Variants in GABRG3 observed in about 807,000 individuals in gnomAD.
GABRG3 encodes gamma-aminobutyric acid receptor subunit gamma-3.
GABRG3 carries 25 observed loss-of-function variants against 48.8 expected under a neutral mutation model. That is an observed-to-expected ratio of 0.51 (90% CI 0.37 to 0.72). The LOEUF (loss-of-function observed/expected upper bound fraction) is 0.72, where lower values mean the gene tolerates loss of function less well. GABRG3 is among the 30% of genes least tolerant of loss of function. The pLI, the probability that GABRG3 is intolerant of heterozygous loss-of-function variation, is 0.00. For missense variants in GABRG3, 394 were observed against 577.9 expected (o/e 0.68, Z 3.26); for synonymous variants, 227 against 217.6 (o/e 1.04, Z -0.38).
intron 6 of GABRG3, among the ~76,000 whole-genome samples, chr15:27,487,386 A>G (rs1159480287): frequency 1.3e-5 from 2 of 152,174 alleles, no homozygotes; most frequent in South Asian, 2.1e-4. Flanking sequence ...CTCTCGCTCT[A>G]TACTTTGAGC....
intron 3 of GABRG3, among the ~76,000 whole-genome samples, chr15:27,298,137 T>G (rs1261406085): frequency 6.6e-6 from 1 of 152,090 alleles, no homozygotes; most frequent in Non-Finnish European, 1.5e-5. Context: ...CAAATGTGAA[T>G]GAATTAAACA....
intron 6 of GABRG3, among the ~76,000 whole-genome samples, chr15:27,508,187 G>A (rs1349504309): frequency 1.3e-5 from 2 of 152,074 alleles, no homozygotes; most frequent in East Asian, 3.8e-4. Context: ...TAAAATATAC[G>A]ATCTCGCTCT....
At chr15:27,061,107 C>T (rs182529862) in intron 3 of GABRG3, among the ~76,000 whole-genome samples, 11 of 152,314 alleles carry the variant, frequency 7.2e-5, no homozygotes, top group African/African-American at 2.6e-4. Context: ...CATTGCTTAC[C>T]TGTGTTTAAT....
At chr15:26,987,882 A>G (rs189770479) in intron 2 of GABRG3, among the ~76,000 whole-genome samples, 194 of 152,332 alleles carry the variant, frequency 1.3e-3, no homozygotes, top group African/African-American at 4.3e-3. Flanking sequence ...TCAATAAAAA[A>G]CAGCTCCTAA....
intron 3 of GABRG3, among the ~76,000 whole-genome samples, chr15:27,074,650 T>C (rs1293818773): frequency 6.6e-6 from 1 of 151,998 alleles, no homozygotes; most frequent in African/African-American, 2.4e-5. Context: ...TACTTTTTTT[T>C]TTTTTTACAA....
chr15:27,065,641 C>CA (rs542978041), intron 3 of GABRG3, among the ~76,000 whole-genome samples: 222 of 152,322 alleles, frequency 1.5e-3, no homozygotes, highest in Non-Finnish European at 2.4e-3. Context: ...AGATGTGTAG[C>CA]ATAAGACTTT....
chr15:27,021,090 T>A (rs1421171124), intron 2 of GABRG3, among the ~76,000 whole-genome samples: 3 of 152,304 alleles, frequency 2.0e-5, no homozygotes, highest in African/African-American at 7.2e-5. Context: ...TTTAAGGCAA[T>A]GGATATTCCA....
intron 2 of GABRG3, among the ~76,000 whole-genome samples, chr15:26,995,416 C>A (rs1292219658): frequency 6.6e-6 from 1 of 151,876 alleles, no homozygotes; most frequent in Non-Finnish European, 1.5e-5. Flanking sequence ...AATTTCTGCC[C>A]ATTATATTGT....
intron 3 of GABRG3, among the ~76,000 whole-genome samples, chr15:27,181,262 C>T (rs1887921585): frequency 6.6e-6 from 1 of 152,164 alleles, no homozygotes; most frequent in Non-Finnish European, 1.5e-5. Context: ...GGCTGTCTCT[C>T]ATCAAACCCC....
chr15:27,343,637 T>G (rs560541638), intron 5 of GABRG3, among the ~76,000 whole-genome samples: 1 of 152,366 alleles, frequency 6.6e-6, no homozygotes, highest in South Asian at 2.1e-4. Context: ...GCAACTCATG[T>G]AATGCTTCAT....
chr15:27,502,055 C>T (rs77211031), intron 6 of GABRG3, among the ~76,000 whole-genome samples: 43 of 152,220 alleles, frequency 2.8e-4, no homozygotes, highest in African/African-American at 1.0e-3. Context: ...CATCAGAACA[C>T]TCTAAAAGTA....
intron 5 of GABRG3, among the ~76,000 whole-genome samples, chr15:27,361,391 C>A (rs1258793284): frequency 6.6e-6 from 1 of 152,232 alleles, no homozygotes; most frequent in Non-Finnish European, 1.5e-5. Flanking sequence ...GAATTAACTT[C>A]TTCCCAGGAT....
chr15:27,071,845 G>A (rs1416486208), intron 3 of GABRG3, among the ~76,000 whole-genome samples: 1 of 152,184 alleles, frequency 6.6e-6, no homozygotes, highest in African/African-American at 2.4e-5. Flanking sequence ...GTACTAAGAT[G>A]GCTTTTCTGG....
intron 3 of GABRG3, among the ~76,000 whole-genome samples, chr15:27,309,331 T>C (rs1340255418): frequency 2.6e-5 from 4 of 151,814 alleles, no homozygotes; most frequent in African/African-American, 7.2e-5. Flanking sequence ...TGTATATATA[T>C]ATATTTACCA....
intron 3 of GABRG3, among the ~76,000 whole-genome samples, chr15:27,271,129 C>G (rs1489813993): frequency 6.6e-6 from 1 of 152,194 alleles, no homozygotes; most frequent in Non-Finnish European, 1.5e-5. Context: ...GAGTTTAGCT[C>G]TCTGTCCCTC....
chr15:27,510,064 A>G (rs938322688), intron 6 of GABRG3, among the ~76,000 whole-genome samples: 1 of 152,296 alleles, frequency 6.6e-6, no homozygotes, highest in Non-Finnish European at 1.5e-5. Flanking sequence ...GAAGTTGACT[A>G]TCTGCTTGAC....
Position 27,532,948 on chromosome 15 carries a change from G to T in GABRG3, c.*67G>T. 4 of 1,488,848 alleles carry T rather than the reference G, an allele frequency of 2.7e-6. No individual in the cohort carries two copies. The highest frequency in any genetic ancestry group is 3.7e-6 in the Non-Finnish European group (4 of 1,094,334). 92.2% of individuals were successfully genotyped at this position (1,488,848 alleles called of 1,614,324 possible). Reference sequence around the variant, plus strand: ...TTGACCTTCTGTCGTCCCCAGACCAGTAGTGACCAATCGGGAGTAGCAAGG... The same window carrying T: ...TTGACCTTCTGTCGTCCCCAGACCATTAGTGACCAATCGGGAGTAGCAAGG... On this transcript the variant is annotated 3_prime_UTR_variant, in exon 10 of 10. Transcript: ENST00000615808.
intron 3 of GABRG3, among the ~76,000 whole-genome samples, chr15:27,069,875 A>G (rs566903727): frequency 2.0e-4 from 30 of 152,364 alleles, no homozygotes; most frequent in African/African-American, 6.3e-4. Context: ...GAGAGCTTGC[A>G]GTAGTGCCTG....
At chr15:27,362,538 C>CA (rs1895058279) in intron 5 of GABRG3, 1 of 152,142 alleles carries the variant, frequency 6.6e-6, no homozygotes, top group Non-Finnish European at 1.5e-5. Context: ...TAGTTTTTAG[C>CA]AAAAAACTAC....
Sources: allele counts gnomAD v4.1 joint callset (sites outside exome capture counted in the v4.1 genomes callset), GRCh38; gene constraint gnomAD v4.1.1; transcripts MANE v1.5; gene names NCBI Gene and HGNC (gene_info 2026-07-23, HGNC 2026-07-21).